Variants in ASAP1 observed in about 807,000 individuals in gnomAD.
The protein encoded by ASAP1 is arf-GAP with SH3 domain, ANK repeat and PH domain-containing protein 1.
In ASAP1, 43 loss-of-function variants were observed where a neutral mutation model predicts 145.2. The observed-to-expected ratio is 0.30, with a 90% CI of 0.23 to 0.38. The LOEUF (loss-of-function observed/expected upper bound fraction) is 0.38, where lower values mean the gene tolerates loss of function less well. Ranked by LOEUF, ASAP1 falls within the 10% of genes least tolerant of loss-of-function variation. ASAP1 has a pLI of 1.00. For synonymous variants in ASAP1, 546 were observed against 515.5 expected, an observed-to-expected ratio of 1.06 and a Z score of -0.80; for missense variants, 1,018 against 1,355.3, an observed-to-expected ratio of 0.75 and a Z score of 3.91.
At chr8:130,344,002 T>C (rs946624303) in intron 3 of ASAP1, among the ~76,000 whole-genome samples, 2 of 152,256 alleles carry the variant, frequency 1.3e-5, no homozygotes, top group African/African-American at 4.8e-5. Context: ...CCTCATTTTC[T>C]ACAAAGGGAA....
chr8:130,125,085 T>C (rs1012442789), intron 17 of ASAP1, among the ~76,000 whole-genome samples: 1 of 152,236 alleles, frequency 6.6e-6, no homozygotes, highest in Non-Finnish European at 1.5e-5. Flanking sequence ...TTAAGGCTAA[T>C]GATAAGCTAG....
chr8:130,218,693 C>G (rs1362368318), intron 4 of ASAP1, among the ~76,000 whole-genome samples: 2 of 152,154 alleles, frequency 1.3e-5, no homozygotes, highest in East Asian at 3.9e-4. Flanking sequence ...CATATTTCAC[C>G]CCCACTAGTT....
At chr8:130,123,541 T>C (rs2097569878) in intron 18 of ASAP1, among the ~76,000 whole-genome samples, 1 of 152,208 alleles carries the variant, frequency 6.6e-6, no homozygotes. Context: ...CATTTCTAAA[T>C]ACTTTTCTTT....
chr8:130,269,426 C>T (rs148588637), intron 3 of ASAP1, among the ~76,000 whole-genome samples: 77 of 152,318 alleles, frequency 5.1e-4, no homozygotes, highest in Non-Finnish European at 8.7e-4. Flanking sequence ...CCTGAGAATA[C>T]AGATAGTGAC....
intron 3 of ASAP1, among the ~76,000 whole-genome samples, chr8:130,262,392 C>CAA (rs1204651464): frequency 2.5e-4 from 9 of 35,708 alleles, no homozygotes; most frequent in Admixed American, 5.3e-4. Context: ...GACTCCATCT[C>CAA]AAAAAAAAAA....
chr8:130,138,138 C>T (rs924481601), intron 13 of ASAP1, among the ~76,000 whole-genome samples: 2 of 152,164 alleles, frequency 1.3e-5, no homozygotes, highest in Non-Finnish European at 2.9e-5. Context: ...AAGCCTGAAA[C>T]AACAGAGATG....
At chr8:130,193,134 C>T (rs1466862106) in intron 5 of ASAP1, among the ~76,000 whole-genome samples, 2 of 152,042 alleles carry the variant, frequency 1.3e-5, no homozygotes, top group Non-Finnish European at 2.9e-5. Flanking sequence ...TTTGGGAGGC[C>T]GAGGCGGGCG....
chr8:130,210,007 A>T (rs531089697), intron 5 of ASAP1, among the ~76,000 whole-genome samples: 3 of 152,306 alleles, frequency 2.0e-5, no homozygotes, highest in African/African-American at 7.2e-5. Flanking sequence ...AATAATGTTC[A>T]TTTGCATGGT....
At chr8:130,107,513 AAAATGTATGT>A (rs2097539157) in intron 24 of ASAP1, among the ~76,000 whole-genome samples, 1 of 117,280 alleles carries the variant, frequency 8.5e-6, no homozygotes, top group African/African-American at 3.3e-5. Flanking sequence ...TTTTTTTTAA[AAAATGTATGT>A]ATGTATGTAT....
intron 13 of ASAP1, among the ~76,000 whole-genome samples, chr8:130,137,986 A>G: frequency 6.6e-6 from 1 of 152,178 alleles, no homozygotes; most frequent in Admixed American, 6.5e-5. Flanking sequence ...TAAGCAATGA[A>G]ACTCTTTAAT....
chr8:130,399,897 A>G (rs1828704432), intron 2 of ASAP1, among the ~76,000 whole-genome samples: 1 of 149,874 alleles, frequency 6.7e-6, no homozygotes, highest in African/African-American at 2.5e-5. Context: ...TCGGCTCACC[A>G]AAACCTCTGC....
At chr8:130,313,336 C>T (rs1470035706) in intron 3 of ASAP1, among the ~76,000 whole-genome samples, 1 of 151,998 alleles carries the variant, frequency 6.6e-6, no homozygotes, top group African/African-American at 2.4e-5. Context: ...AAAAGGTCCA[C>T]TTCTTTTCCT....
intron 5 of ASAP1, among the ~76,000 whole-genome samples, chr8:130,202,691 G>A (rs1012076140): frequency 5.3e-5 from 8 of 152,144 alleles, no homozygotes; most frequent in African/African-American, 1.9e-4. Context: ...AGCCTTCTTA[G>A]ATACTCTTGC....
At chr8:130,333,875 A>G (rs1177433556) in intron 3 of ASAP1, among the ~76,000 whole-genome samples, 1 of 152,252 alleles carries the variant, frequency 6.6e-6, no homozygotes, top group Non-Finnish European at 1.5e-5. Flanking sequence ...AGATTACAGA[A>G]GAGACTCACA....
chr8:130,072,862 A>C, intron 27 of ASAP1, among the ~76,000 whole-genome samples: 1 of 90,960 alleles, frequency 1.1e-5, no homozygotes, highest in South Asian at 4.4e-4. Context: ...CTGAGCTCTC[A>C]CCCGGTGGGA....
At chr8:130,131,604 A>G (rs1178546325) in intron 15 of ASAP1, among the ~76,000 whole-genome samples, 28 of 46,966 alleles carry the variant, frequency 6.0e-4, no homozygotes, top group African/African-American at 1.3e-3. Context: ...ATGGCTACTG[A>G]AAAAAAAAAA....
At chr8:130,190,084 A>G (rs922362036) in intron 5 of ASAP1, among the ~76,000 whole-genome samples, 8 of 152,108 alleles carry the variant, frequency 5.3e-5, no homozygotes, top group African/African-American at 1.9e-4. Context: ...ATTTTCTCCT[A>G]TTCTGTGGGT....
intron 27 of ASAP1, among the ~76,000 whole-genome samples, chr8:130,064,863 C>G (rs2097427100): frequency 6.6e-6 from 1 of 151,574 alleles, no homozygotes; most frequent in Non-Finnish European, 1.5e-5. Flanking sequence ...CTCAAAGAAA[C>G]ACTTACCTAA....
chr8:130,408,626 T>C (rs1168681582), intron 1 of ASAP1, among the ~76,000 whole-genome samples: 2 of 152,192 alleles, frequency 1.3e-5, no homozygotes, highest in Non-Finnish European at 2.9e-5. Flanking sequence ...CAATTCCCTA[T>C]AATAAATATC....
Sources: allele counts gnomAD v4.1 joint callset (sites outside exome capture counted in the v4.1 genomes callset), GRCh38; gene constraint gnomAD v4.1.1; transcripts MANE v1.5; gene names NCBI Gene and HGNC (gene_info 2026-07-23, HGNC 2026-07-21).